JAKMIP3: variants seen among roughly 807,000 people sequenced by gnomAD.
The protein encoded by JAKMIP3 is Janus kinase and microtubule interacting protein 3, also known as janus kinase and microtubule-interacting protein 3.
JAKMIP3 carries 58 observed loss-of-function variants against 118.5 expected under a neutral mutation model. That is an observed-to-expected ratio of 0.49 (90% confidence interval 0.40 to 0.61). JAKMIP3 has a LOEUF of 0.61. Ranked by LOEUF, JAKMIP3 falls within the 20% of genes least tolerant of loss-of-function variation. JAKMIP3 has a pLI of 0.00. For missense variants in JAKMIP3, 950 were observed against 1,109.0 expected (o/e 0.86, Z 2.04); for synonymous variants, 486 against 451.2 (o/e 1.08, Z -0.98).
intron 19 of JAKMIP3, among the ~76,000 whole-genome samples, chr10:132,159,614 C>G (rs1337755829): frequency 1.2e-5 from 1 of 82,222 alleles, no homozygotes; most frequent in Non-Finnish European, 2.2e-5. Context: ...CTATGTGATG[C>G]TGGGGGTCCT....
intron 13 of JAKMIP3, 63 bp from the exon 14 acceptor site, chr10:132,147,888 AC>A: frequency 8.3e-7 from 1 of 1,203,762 alleles, no homozygotes; most frequent in Non-Finnish European, 1.2e-6. Context: ...CCTGGAGTTG[AC>A]CTCCCAAGAC....
chr10:132,107,280 T>A (rs1292665163), intron 2 of JAKMIP3, among the ~76,000 whole-genome samples: 1 of 152,200 alleles, frequency 6.6e-6, no homozygotes, highest in African/African-American at 2.4e-5. Context: ...TACAACAGCA[T>A]CATGTGATTT....
chr10:132,140,166 C>T (rs2053194493), intron 9 of JAKMIP3, among the ~76,000 whole-genome samples: 1 of 152,250 alleles, frequency 6.6e-6, no homozygotes, highest in South Asian at 2.1e-4. Flanking sequence ...CAGGGAACCG[C>T]AGGGACGGTG....
intron 1 of JAKMIP3, among the ~76,000 whole-genome samples, chr10:132,099,744 G>A (rs113476774): frequency 0.031 from 4,649 of 152,316 alleles, 113 homozygotes; most frequent in South Asian, 0.14. Flanking sequence ...ACATTCACAA[G>A]TCCTCATCAG....
intron 11 of JAKMIP3, 112 bp from the exon 12 acceptor site, chr10:132,144,995 C>T (rs1009896647): frequency 5.0e-6 from 4 of 796,164 alleles, no homozygotes; most frequent in Middle Eastern, 2.3e-4. Context: ...CGAACAGTCA[C>T]TTCTCAATGA....
At chr10:132,147,347 A>ACAT (rs2054820979) in intron 13 of JAKMIP3, among the ~76,000 whole-genome samples, 1 of 152,208 alleles carries the variant, frequency 6.6e-6, no homozygotes, top group African/African-American at 2.4e-5. Flanking sequence ...TGCTGAGGAC[A>ACAT]CATGCCGTGG....
Position 132,167,065 on chromosome 10 carries a change from T to C in JAKMIP3, c.*22+10T>C. On this transcript the variant is annotated intron_variant, in intron 22 of 23. Transcript: ENST00000684848. ...TTGGCACCCTGACGTGGTGAGTATT[T>C]CGTTGGCAGGGCCCAGCAGGGGTCC... is the stretch of plus-strand genomic sequence containing the variant. The C allele has an allele frequency of 6.5e-7, 1 of 1,538,574 alleles. No individual in the cohort carries two copies. The highest frequency in any genetic ancestry group is 8.8e-7 in the Non-Finnish European group (1 of 1,135,272).
chr10:132,085,275 G>T (rs1167632747), intron 1 of JAKMIP3, among the ~76,000 whole-genome samples: 1 of 152,094 alleles, frequency 6.6e-6, no homozygotes, highest in South Asian at 2.1e-4. Flanking sequence ...AGAGTATCTG[G>T]TTCTTCCTGA....
At chr10:132,037,262 C>T (rs544229557) in intron 1 of JAKMIP3, among the ~76,000 whole-genome samples, 3 of 152,208 alleles carry the variant, frequency 2.0e-5, no homozygotes, top group East Asian at 3.9e-4. Flanking sequence ...TCTGCGTGTA[C>T]CCGCGACCTT....
chr10:132,079,079 C>T (rs2041346338), intron 1 of JAKMIP3, among the ~76,000 whole-genome samples: 2 of 150,300 alleles, frequency 1.3e-5, no homozygotes, highest in Non-Finnish European at 2.9e-5. Flanking sequence ...CCAGGAGACC[C>T]CCACAGCCAG....
rs778567934 is a variant in JAKMIP3, at chr10:132,117,431, G to A, written c.490G>A (p.Ala164Thr). Residue 164 changes from alanine to threonine, a missense_variant, in exon 3 of 24, where the codon GCC becomes ACC. Ala to Thr is a moderately conservative substitution (Grantham distance 58). Coordinates refer to ENST00000684848, the MANE Select transcript of JAKMIP3 (RefSeq NM_001323087.2). This position sits in a 1 kb window ranked among gnomAD's most constrained non-coding sequence, Gnocchi z 8.6. ...GCAGGAGATCTCCGAGCTCAAGGGC[G>A]CCAAAAGGCAGGTGGAGGAGGCGCT... Reference protein sequence around the residue: ...MQQEISELKGAKRQVEEALTL... With the variant: ...MQQEISELKGTKRQVEEALTL... 7.4e-6 allele frequency: 12 copies of A among 1,613,866 alleles called. No individual in the cohort carries two copies. Among genetic ancestry groups the A allele is most frequent in the East Asian group, 4.5e-5 (2 of 44,876 alleles).
chr10:132,141,894 C>T (rs762401392), intron 10 of JAKMIP3, 26 bp from the exon 11 acceptor site: 9 of 1,582,590 alleles, frequency 5.7e-6, no homozygotes, highest in East Asian at 4.6e-5. Context: ...TGTCTCTGTG[C>T]GTGTGTGGCA....
rs769071635 is a variant in JAKMIP3 at position 132,117,032 on chromosome 10, A to G, written c.136-45A>G. 6.4e-6 allele frequency: 10 copies of G among 1,566,980 alleles called. No homozygotes were observed. In the Admixed American group the frequency reaches 7.0e-5, roughly 11 times the overall value. On this transcript the variant is annotated intron_variant, in intron 2 of 23. Transcript: ENST00000684848. This position sits in a 1 kb window ranked among gnomAD's most constrained non-coding sequence, Gnocchi z 8.6. ...TGCACATTCAGGTGTGAGTGTGTGC[A>G]TGGCTGGAGCTCCTGCCACACTCAG... is the stretch of plus-strand genomic sequence containing the variant.
intron 3 of JAKMIP3, among the ~76,000 whole-genome samples, chr10:132,120,607 G>T (rs1218973009): frequency 1.3e-5 from 2 of 152,244 alleles, no homozygotes; most frequent in Admixed American, 1.3e-4. Flanking sequence ...CACAAGAGGT[G>T]CCCTGAGGGC....
chr10:132,109,554 G>GACT (rs1470552297), intron 2 of JAKMIP3, among the ~76,000 whole-genome samples: 7 of 152,330 alleles, frequency 4.6e-5, no homozygotes. Flanking sequence ...GGGTCTCACA[G>GACT]ACGGTAGTGA....
chr10:132,140,903 CCCTT>C (rs1273111779), intron 10 of JAKMIP3, among the ~76,000 whole-genome samples: 3 of 152,208 alleles, frequency 2.0e-5, no homozygotes. Flanking sequence ...GGTGAGCTCT[CCCTT>C]CCTAAGGGGC....
upstream of JAKMIP3, among the ~76,000 whole-genome samples, chr10:132,036,530 A>T (rs573082276): frequency 0.011 from 1,599 of 152,058 alleles, 27 homozygotes; most frequent in African/African-American, 0.037. Flanking sequence ...CTCCGCGGAG[A>T]CCGGGACTGC....
chr10:132,085,918 G>A (rs2042341447), intron 1 of JAKMIP3, among the ~76,000 whole-genome samples: 1 of 151,966 alleles, frequency 6.6e-6, no homozygotes, highest in Non-Finnish European at 1.5e-5. Context: ...CTGGGTTTGG[G>A]TTTGGTTTGT....
At chr10:132,089,569 A>G (rs1356268907) in intron 1 of JAKMIP3, among the ~76,000 whole-genome samples, 1 of 152,164 alleles carries the variant, frequency 6.6e-6, no homozygotes, top group African/African-American at 2.4e-5. Flanking sequence ...CTATCCTGAG[A>G]CTTTGCTGAA....
Sources: gnomAD v4.1 joint callset for allele counts (sites outside exome capture counted in the v4.1 genomes callset) on GRCh38, gnomAD v4.1.1 for gene constraint, Gnocchi (gnomAD v3.1) non-coding constraint, MANE v1.5 for transcripts, NCBI Gene and HGNC (gene_info 2026-07-23, HGNC 2026-07-21) for gene names.